Variants in RALGAPB observed in about 807,000 individuals in gnomAD.
RALGAPB encodes ral GTPase-activating protein subunit beta.
A neutral mutation model predicts 161.1 loss-of-function variants in RALGAPB; 25 were observed. The observed-to-expected ratio is 0.16, with a 90% confidence interval of 0.11 to 0.22. RALGAPB has a LOEUF of 0.22. RALGAPB is among the 10% of genes least tolerant of loss of function. The pLI is 1.00. For synonymous variants in RALGAPB, 629 were observed against 626.1 expected, an observed-to-expected ratio of 1.00 and a Z score of -0.07; for missense variants, 1,391 against 1,815.2, an observed-to-expected ratio of 0.77 and a Z score of 4.25.
chr20:38,549,549 A>AAT (rs1555882891), intron 20 of RALGAPB, among the ~76,000 whole-genome samples: 123 of 131,050 alleles, frequency 9.4e-4, no homozygotes, highest in South Asian at 1.5e-3. Flanking sequence ...AAAAAAAAAA[A>AAT]ATATATATAT....
At chr20:38,483,678 A>G (rs1249456278) in intron 1 of RALGAPB, among the ~76,000 whole-genome samples, 1 of 152,164 alleles carries the variant, frequency 6.6e-6, no homozygotes, top group Non-Finnish European at 1.5e-5. Flanking sequence ...ATGGAGCTAC[A>G]AACAACCCCA....
chr20:38,544,308 C>G (rs2087079403), intron 18 of RALGAPB, among the ~76,000 whole-genome samples: 1 of 151,320 alleles, frequency 6.6e-6, no homozygotes, highest in Non-Finnish European at 1.5e-5. Context: ...CAGAAGCAGT[C>G]TTCATGTTCT....
intron 17 of RALGAPB, 89 bp from the exon 18 acceptor site, chr20:38,540,952 C>T (rs1016648532): frequency 9.0e-5 from 127 of 1,418,298 alleles, no homozygotes; most frequent in Admixed American, 1.3e-4. Flanking sequence ...TCCACCAAAA[C>T]GCAACCACTG....
rs144309564 is a variant in RALGAPB, at chr20:38,532,813, G to C, written c.2199G>C (p.Thr733=). Residue 733 remains threonine, a synonymous_variant, in exon 15 of 30, where the codon ACG becomes ACC. Coordinates refer to ENST00000262879, the MANE Select transcript of RALGAPB (RefSeq NM_020336.4). ...CAAGTGGTGGAAGCACGGAGCCCAC[G>C]ACTCCCGATAGTGAGAGACCTGCTC... ...SSASGGSTEP[T]TPDSERPAQA... The C allele has an allele frequency of 2.5e-6, 4 of 1,614,006 alleles. No homozygotes were observed. In the African/African-American group the frequency reaches 5.3e-5, roughly 22 times the overall value.
chr20:38,525,316 T>TTTGGAAAAATTGGCATTA, intron 11 of RALGAPB, 88 bp from the exon 12 acceptor site: 1 of 868,074 alleles, frequency 1.2e-6, no homozygotes, highest in Non-Finnish European at 1.9e-6. Flanking sequence ...AATGCTTGGA[T>TTTGGAAAAATTGGCATTA]TTGGAAAAAT....
intron 5 of RALGAPB, among the ~76,000 whole-genome samples, chr20:38,508,822 A>T (rs866496390): frequency 6.6e-6 from 1 of 152,190 alleles, no homozygotes; most frequent in African/African-American, 2.4e-5. Context: ...TGTGGAGTAC[A>T]TAATGATGTT....
intron 6 of RALGAPB, among the ~76,000 whole-genome samples, chr20:38,515,622 A>G (rs1239070302): frequency 1.3e-5 from 2 of 152,210 alleles, no homozygotes; most frequent in African/African-American, 2.4e-5. Flanking sequence ...ATTTTCAAAT[A>G]TAGTTGTTTT....
At chr20:38,563,678 AG>A (rs2087874431) in intron 24 of RALGAPB, among the ~76,000 whole-genome samples, 2 of 152,228 alleles carry the variant, frequency 1.3e-5, no homozygotes, top group African/African-American at 4.8e-5. Context: ...TAAATATATC[AG>A]TTGGATACTT....
intron 1 of RALGAPB, among the ~76,000 whole-genome samples, chr20:38,473,616 A>G (rs1402867214): frequency 6.6e-6 from 1 of 152,188 alleles, no homozygotes; most frequent in South Asian, 2.1e-4. Flanking sequence ...CTGACGAGGC[A>G]ACTGAGTCCC....
At position 38,570,855 on chromosome 20, in the gene RALGAPB, C is replaced by G. The variant is rs1432682663; in HGVS notation, c.4142+8C>G. The G allele has an allele frequency of 2.5e-6, 4 of 1,571,594 alleles. No homozygotes were observed. The highest frequency in any genetic ancestry group is 1.7e-4 in the Middle Eastern group (1 of 5,980). Reference sequence around the variant, plus strand: ...TAGTAGCACTTCACTGAGGTACACTCTATTTGCTTGAAGTTCATCAGCGTG... The same window carrying G: ...TAGTAGCACTTCACTGAGGTACACTGTATTTGCTTGAAGTTCATCAGCGTG... On this transcript the variant is annotated splice_region_variant and intron_variant, in intron 28 of 29. Coordinates refer to ENST00000262879, the MANE Select transcript of RALGAPB (RefSeq NM_020336.4).
intron 1 of RALGAPB, among the ~76,000 whole-genome samples, chr20:38,480,734 C>T (rs1408278987): frequency 8.6e-6 from 1 of 116,598 alleles, no homozygotes; most frequent in African/African-American, 3.1e-5. Flanking sequence ...CCCCCACCCC[C>T]GCCCCCCCCT....
intron 1 of RALGAPB, among the ~76,000 whole-genome samples, chr20:38,485,695 G>A (rs1231478829): frequency 2.0e-5 from 3 of 152,148 alleles, no homozygotes; most frequent in Admixed American, 6.5e-5. Context: ...CCAAAGTACT[G>A]GGATTACAGG....
chr20:38,549,549 A>ATATATAT (rs869239679), intron 20 of RALGAPB, among the ~76,000 whole-genome samples: 6 of 131,080 alleles, frequency 4.6e-5, no homozygotes, highest in African/African-American at 1.7e-4. Context: ...AAAAAAAAAA[A>ATATATAT]ATATATATAT....
chr20:38,490,423 TG>T (rs1027276884), intron 2 of RALGAPB, among the ~76,000 whole-genome samples: 4 of 151,328 alleles, frequency 2.6e-5, no homozygotes, highest in Non-Finnish European at 5.9e-5. Context: ...TTAGCCAGGA[TG>T]GTCTCAATCT....
rs866982183 is a variant in RALGAPB at position 38,511,435 on chromosome 20, A to G, written c.872+2227A>G. Reference sequence around the variant, plus strand: ...GTGGAGGGAAGGTCAGCAGATAAACATGTGAACAAAGGTCTCTGGTTTTCC... The same window carrying G: ...GTGGAGGGAAGGTCAGCAGATAAACGTGTGAACAAAGGTCTCTGGTTTTCC... On this transcript the variant is annotated intron_variant, in intron 6 of 29. Coordinates refer to ENST00000262879, the MANE Select transcript of RALGAPB (RefSeq NM_020336.4). Among the ~76,000 whole-genome samples, 13 of 151,924 alleles carry G rather than the reference A, an allele frequency of 8.6e-5. 1 individual carries two copies. The Middle Eastern group carries it at 0.01, about 119-fold the overall frequency.
At chr20:38,476,028 G>GTT (rs768180893) in intron 1 of RALGAPB, among the ~76,000 whole-genome samples, 3 of 152,194 alleles carry the variant, frequency 2.0e-5, no homozygotes, top group Non-Finnish European at 4.4e-5. Flanking sequence ...GACAACTTAT[G>GTT]TTAAATTCAG....
At chr20:38,528,155 A>T (rs1225712599) in intron 13 of RALGAPB, among the ~76,000 whole-genome samples, 4 of 152,170 alleles carry the variant, frequency 2.6e-5, no homozygotes, top group African/African-American at 9.7e-5. Flanking sequence ...CTGTAGAAAA[A>T]ACAGACAGTA....
chr20:38,540,401 T>A (rs912641515), intron 17 of RALGAPB, among the ~76,000 whole-genome samples: 1 of 152,260 alleles, frequency 6.6e-6, no homozygotes, highest in Non-Finnish European at 1.5e-5. Flanking sequence ...TGGATGCAGA[T>A]AACTAGTCCA....
intron 1 of RALGAPB, among the ~76,000 whole-genome samples, chr20:38,483,274 G>A (rs1453138938): frequency 6.6e-6 from 1 of 152,176 alleles, no homozygotes; most frequent in South Asian, 2.1e-4. Context: ...CAGCTTGCAG[G>A]TAGAGCTGGG....
Sources: gnomAD v4.1 joint callset for allele counts (sites outside exome capture counted in the v4.1 genomes callset) on GRCh38, gnomAD v4.1.1 for gene constraint, MANE v1.5 for transcripts, NCBI Gene and HGNC (gene_info 2026-07-23, HGNC 2026-07-21) for gene names.